SAMD11: variants seen among roughly 807,000 people sequenced by gnomAD.
SAMD11 encodes the protein sterile alpha motif domain-containing protein 11.
SAMD11 carries 77 observed loss-of-function variants against 64.4 expected under a neutral mutation model. The observed-to-expected ratio is 1.20, with a 90% confidence interval of 0.99 to 1.44. The LOEUF is 1.44. Ranked by LOEUF, SAMD11 falls within the 40% of genes most tolerant of loss-of-function variation. The pLI, the probability that SAMD11 is intolerant of heterozygous loss-of-function variation, is 0.00. For missense variants in SAMD11, 1,402 were observed against 943.3 expected, an observed-to-expected ratio of 1.49 and a Z score of -6.37; for synonymous variants, 658 against 421.9, an observed-to-expected ratio of 1.56 and a Z score of -6.86.
chr1:939,355 G>A lies in SAMD11; in HGVS notation c.1138G>A (p.Glu380Lys), dbSNP rs750465792. ...HYRRLVSALS[E>K]ASTFEDPQRL... ...CCGCCGGCTTGTGTCAGCACTGAGC[G>A]AGGCCAGCACCTTTGAGGACCCTCA... Residue 380 changes from glutamate (E) to lysine (K), a missense_variant, in exon 7 of 14, where the codon GAG (glutamate) becomes AAG (lysine). By Grantham distance (56) the Glu-to-Lys change is moderately conservative. Transcript: ENST00000616016. 16 of 1,611,650 alleles carry A rather than the reference G, an allele frequency of 9.9e-6. No individual in the cohort carries two copies. Among genetic ancestry groups the A allele is most frequent in the South Asian group, 2.2e-5 (2 of 90,950 alleles).
In SAMD11 at chr1:943,297, CCTGAGGACGTCACCAAGTGGA is replaced by C. The variant is rs1557611316; in HGVS notation, c.2100_2120del (p.Glu701_Thr707del). 1 of 1,612,558 alleles carries C rather than the reference CCTGAGGACGTCACCAAGTGGA, an allele frequency of 6.2e-7. No homozygotes were observed. The highest frequency in any genetic ancestry group is 2.2e-5 in the East Asian group (1 of 44,786). On this transcript the variant is annotated inframe_deletion, in exon 12 of 14. Transcript: ENST00000616016. ...CATGGATGGGGAGGAGGCCCCAGCC[CCTGAGGACGTCACCAAGTGGA>C]CCGTGGATGACGTCTGCAGCTTCGT...
At chr1:925,133 C>T (rs1224884928) in intron 1 of SAMD11, 185 bp downstream of exon 1, 1 of 152,516 alleles carries the variant, frequency 6.6e-6, no homozygotes, top group Non-Finnish European at 1.5e-5. Context: ...CGCTGCACCT[C>T]CCCCCAGCTT....
intron 2 of SAMD11, among the ~76,000 whole-genome samples, chr1:928,279 C>T (rs1049935476): frequency 3.3e-5 from 5 of 152,214 alleles, no homozygotes; most frequent in Admixed American, 1.3e-4. Flanking sequence ...GTAGTCCCAG[C>T]TACTTGGGAG....
At chr1:931,433 C>T (rs557852409) in intron 4 of SAMD11, among the ~76,000 whole-genome samples, 2 of 152,180 alleles carry the variant, frequency 1.3e-5, no homozygotes, top group South Asian at 2.1e-4. Flanking sequence ...CTGTCACCTC[C>T]CCCTTCCCAC....
At chr1:942,009 G>A in intron 8 of SAMD11, 127 bp from the exon 9 acceptor site, 1 of 409,848 alleles carries the variant, frequency 2.4e-6, no homozygotes, top group East Asian at 3.7e-5. Context: ...GCGACCTGGG[G>A]CCGTAACGAG....
At chr1:932,791 T>C (rs1641231171) in intron 4 of SAMD11, among the ~76,000 whole-genome samples, 1 of 152,256 alleles carries the variant, frequency 6.6e-6, no homozygotes, top group Non-Finnish European at 1.5e-5. Context: ...CACCTGCCTT[T>C]TGGAGCCAGC....
chr1:944,567 A>G lies in SAMD11; in HGVS notation c.*414A>G. ...TCTTTCATGCTGAAAAATAAATAATAAAGCCTGTCCCGTGTCTACTGCCTC... is the reference window on the plus strand; with the variant it reads ...TCTTTCATGCTGAAAAATAAATAATGAAGCCTGTCCCGTGTCTACTGCCTC... On this transcript the variant is annotated 3_prime_UTR_variant, in exon 14 of 14. Transcript: ENST00000616016. 1 of 639,882 alleles carries G rather than the reference A, an allele frequency of 1.6e-6. No homozygotes were observed. Among genetic ancestry groups the G allele is most frequent in the Non-Finnish European group, 2.7e-6 (1 of 376,776 alleles). The allele number at this position is 639,882 out of a possible 1,614,324, so 39.6% of individuals were successfully genotyped here. A position where few individuals can be genotyped will look rare whatever the true frequency, so the allele number is the denominator to read the frequency against.
intron 2 of SAMD11, among the ~76,000 whole-genome samples, chr1:927,538 C>G (rs78491778): frequency 1.3e-5 from 2 of 152,200 alleles, no homozygotes; most frequent in Non-Finnish European, 2.9e-5. Flanking sequence ...TGTCCCACAC[C>G]CTTCCCCTAG....
At chr1:935,480 C>T (rs1176960658) in intron 4 of SAMD11, among the ~76,000 whole-genome samples, 3 of 152,146 alleles carry the variant, frequency 2.0e-5, no homozygotes, top group African/African-American at 4.8e-5. Flanking sequence ...AACTGTGATT[C>T]CCTGTGGAGG....
intron 2 of SAMD11, among the ~76,000 whole-genome samples, chr1:928,210 G>T (rs61769724): frequency 6.6e-6 from 1 of 151,214 alleles, no homozygotes; most frequent in African/African-American, 2.4e-5. Flanking sequence ...TGACTAACAC[G>T]GTGAAACCCG....
intron 2 of SAMD11, among the ~76,000 whole-genome samples, chr1:927,255 A>C (rs1640938811): frequency 6.6e-6 from 1 of 152,192 alleles, no homozygotes; most frequent in South Asian, 2.1e-4. Flanking sequence ...CCTTTCAAGC[A>C]GCTGGTGCTG....
chr1:941,403 T>TAGA, intron 8 of SAMD11, 97 bp downstream of exon 8: 2 of 1,230,270 alleles, frequency 1.6e-6, no homozygotes, highest in East Asian at 2.6e-5. Context: ...TGCCAAGCAC[T>TAGA]GTGTTCAGCT....
chr1:937,801 G>T (rs1332796872), intron 5 of SAMD11, among the ~76,000 whole-genome samples: 1 of 152,268 alleles, frequency 6.6e-6, no homozygotes, highest in Non-Finnish European at 1.5e-5. Context: ...CCTGACAGCA[G>T]CCGGGCCAGG....
chr1:927,334 A>G lies in SAMD11; in HGVS notation c.609+1321A>G, dbSNP rs190553341. ...TGTTTGGATTTGAGCGGCCCCCTTG[A>G]GGGCTCCCCCAGGAGTGGGGAGCAC... On this transcript the variant is annotated intron_variant, in intron 2 of 13. Coordinates refer to ENST00000616016, the MANE Select transcript of SAMD11 (RefSeq NM_001385641.1). Among the ~76,000 whole-genome samples the G allele has an allele frequency of 2.9e-3, 443 of 152,200 alleles. 3 individuals carry two copies. The highest frequency in any genetic ancestry group is 1.0e-2 in the African/African-American group (415 of 41,508).
chr1:929,231 G>A (rs1256356616), intron 2 of SAMD11, among the ~76,000 whole-genome samples: 3 of 152,246 alleles, frequency 2.0e-5, no homozygotes, highest in African/African-American at 4.8e-5. Flanking sequence ...TCAGCTCGGG[G>A]CTCGGCTGTG....
At chr1:933,400 C>T (rs1054117502) in intron 4 of SAMD11, among the ~76,000 whole-genome samples, 2 of 152,174 alleles carry the variant, frequency 1.3e-5, no homozygotes, top group Admixed American at 6.5e-5. Flanking sequence ...CACCAGGTGC[C>T]ACTGCCCAGC....
intron 4 of SAMD11, 124 bp from the exon 5 acceptor site, chr1:935,648 A>G: frequency 7.5e-7 from 1 of 1,328,802 alleles, no homozygotes. Context: ...GCGTGGGCAC[A>G]GCAACGTGGC....
In SAMD11 at chr1:943,679, C is replaced by A. The variant is rs1437140168; in HGVS notation, c.2179-19C>A. 6.5e-6 allele frequency: 10 copies of A among 1,535,884 alleles called. No individual in the cohort carries two copies. Among genetic ancestry groups the A allele is most frequent in the African/African-American group, 1.4e-5 (1 of 72,786 alleles). ...GGAGCAGCACCCGGGTCCTGACCCT[C>A]CCTCCCTCCCCCTTCCAGGTCTTCA... On this transcript the variant is annotated intron_variant, in intron 12 of 13. Transcript: ENST00000616016.
At chr1:933,210 C>T (rs1384194913) in intron 4 of SAMD11, among the ~76,000 whole-genome samples, 1 of 152,256 alleles carries the variant, frequency 6.6e-6, no homozygotes. Context: ...TCCTGCTTCT[C>T]CACTCTGGGA....
Sources: gnomAD v4.1 joint callset for allele counts (sites outside exome capture counted in the v4.1 genomes callset) on GRCh38, gnomAD v4.1.1 for gene constraint, MANE v1.5 for transcripts, NCBI Gene and HGNC (gene_info 2026-07-23, HGNC 2026-07-21) for gene names.